Variants in DOCK7 observed in about 807,000 individuals in gnomAD.
The protein encoded by DOCK7 is dedicator of cytokinesis protein 7.
DOCK7 carries 138 observed loss-of-function variants against 271.0 expected under a neutral mutation model. The ratio of observed to expected loss-of-function variants is 0.51; its 90% CI spans 0.44 to 0.59. DOCK7 has a LOEUF of 0.59. Among genes scored for constraint, DOCK7 ranks in the 20% least tolerant of loss-of-function variants. The pLI is 0.00. For missense variants in DOCK7, 2,066 were observed against 2,592.4 expected (o/e 0.80, Z 4.41); for synonymous variants, 823 against 876.1 (o/e 0.94, Z 1.07).
At chr1:62,530,858 AAAG>A (rs1438422479) in intron 29 of DOCK7, 14 of 152,708 alleles carry the variant, frequency 9.2e-5, no homozygotes, top group African/African-American at 3.1e-4. Context: ...TGTGCCCCCA[AAAG>A]AAGGTCAAAT....
At chr1:62,634,949 T>A in intron 8 of DOCK7, 27 bp from the exon 9 acceptor site, 1 of 1,500,002 alleles carries the variant, frequency 6.7e-7, no homozygotes. Context: ...TGTTAAACTT[T>A]AAAATATGTA....
At chr1:62,545,480 A>T (rs1645673618) in intron 22 of DOCK7, among the ~76,000 whole-genome samples, 1 of 152,110 alleles carries the variant, frequency 6.6e-6, no homozygotes, top group Non-Finnish European at 1.5e-5. Flanking sequence ...ATCAACTGAA[A>T]ACTACTATGC....
At chr1:62,492,937 CT>C in intron 40 of DOCK7, 90 bp from the exon 41 acceptor site, 2 of 1,091,426 alleles carry the variant, frequency 1.8e-6, no homozygotes, top group Non-Finnish European at 2.6e-6. Context: ...TGAACTGTAA[CT>C]ATCAGGTTAG....
chr1:62,503,398 T>C (rs991245661), intron 37 of DOCK7, among the ~76,000 whole-genome samples: 3 of 151,964 alleles, frequency 2.0e-5, no homozygotes, highest in Non-Finnish European at 2.9e-5. Flanking sequence ...AGAATACACA[T>C]TGTACAATCA....
intron 48 of DOCK7, among the ~76,000 whole-genome samples, chr1:62,462,359 A>G (rs1645554967): frequency 6.6e-6 from 1 of 152,242 alleles, no homozygotes; most frequent in African/African-American, 2.4e-5. Context: ...AAACAAGGTG[A>G]GAGGAATTGC....
chr1:62,604,590 A>G lies in DOCK7; in HGVS notation c.1682+14116T>C, dbSNP rs369517192. On this transcript the variant is annotated intron_variant, in intron 14 of 49. Coordinates refer to ENST00000635253, the MANE Select transcript of DOCK7 (RefSeq NM_001367561.1). The stretch of plus-strand genomic sequence containing the variant: ...GGGGAAATACAGTAACAGTAACTAC[A>G]TACGAGTCTGTACCCATTAAATTGC... The G allele has an allele frequency of 2.9e-5, 45 of 1,572,714 alleles. No individual in the cohort carries two copies. The African/African-American group carries it at 5.5e-4, about 19-fold the overall frequency.
chr1:62,535,522 C>T lies in DOCK7; in HGVS notation c.3582G>A (p.Leu1194=), dbSNP rs148443279. The change falls in exon 29 of 50, where the codon CTG becomes CTA. Residue 1194 remains leucine, a synonymous_variant. Coordinates refer to ENST00000635253, the MANE Select transcript of DOCK7 (RefSeq NM_001367561.1). ...CAGCATCAGGGTCTAAAATGACAGC[C>T]AGCTCTGTTAACACAAGTCCTGCCA... ...HYLAGLVLTE[L]AVILDPDAEG... 10 of 1,613,840 alleles carry T rather than the reference C, an allele frequency of 6.2e-6. No individual in the cohort carries two copies. In the African/African-American group the frequency reaches 1.2e-4, roughly 19 times the overall value.
chr1:62,650,219 T>C (rs1657162608), intron 4 of DOCK7, among the ~76,000 whole-genome samples: 1 of 152,236 alleles, frequency 6.6e-6, no homozygotes, highest in African/African-American at 2.4e-5. Context: ...TGTGTTGGTT[T>C]ATTGTCTATT....
intron 22 of DOCK7, among the ~76,000 whole-genome samples, chr1:62,545,675 A>G (rs1265061294): frequency 6.6e-6 from 1 of 152,180 alleles, no homozygotes; most frequent in Non-Finnish European, 1.5e-5. Context: ...TATTATAAGG[A>G]AAAACATTAT....
chr1:62,488,527 T>C (rs1210384139), intron 42 of DOCK7: 1 of 183,696 alleles, frequency 5.4e-6, no homozygotes, highest in Non-Finnish European at 1.1e-5. Context: ...AAAATATTAG[T>C]AGTTTAATTA....
At chr1:62,610,389 TATGA>T (rs1223992578) in intron 14 of DOCK7, among the ~76,000 whole-genome samples, 2 of 152,102 alleles carry the variant, frequency 1.3e-5, no homozygotes, top group African/African-American at 4.8e-5. Context: ...TTCCTTAAAT[TATGA>T]ATGTAGTAAA....
chr1:62,485,756 A>G, intron 43 of DOCK7: 1 of 930,018 alleles, frequency 1.1e-6, no homozygotes, highest in Non-Finnish European at 1.3e-6. Flanking sequence ...ATTTCAAAAC[A>G]AATAAGCAGC....
At chr1:62,496,540 G>T (rs1571296588) in intron 37 of DOCK7, 43 bp from the exon 38 acceptor site, 1 of 1,517,374 alleles carries the variant, frequency 6.6e-7, no homozygotes, top group Non-Finnish European at 8.8e-7. Flanking sequence ...ATATAGAAAA[G>T]CTTTAAAAAG....
intron 2 of DOCK7, among the ~76,000 whole-genome samples, chr1:62,657,543 T>C (rs963669845): frequency 2.3e-4 from 35 of 152,304 alleles, no homozygotes; most frequent in African/African-American, 8.4e-4. Context: ...ATCTTAACTC[T>C]AATTAAAAAG....
rs749247556 is a variant in DOCK7 at position 62,455,530 on chromosome 1, G to GT, written c.6381-75dup. On this transcript the variant is annotated intron_variant, in intron 49 of 49. Transcript: ENST00000635253. ...CATATACCTTTAAATGTCTTACATG[G>GT]TTTTTTCTGCCAGTTACCTTAAAGT... 1.1e-5 allele frequency: 16 copies of GT among 1,410,028 alleles called. No homozygotes were observed. In the African/African-American group the frequency reaches 1.4e-4, roughly 13 times the overall value. 87.3% of individuals were successfully genotyped at this position (1,410,028 alleles called of 1,614,324 possible). A position where few individuals can be genotyped will look rare whatever the true frequency, so the allele number is the denominator to read the frequency against.
intron 15 of DOCK7, among the ~76,000 whole-genome samples, chr1:62,585,910 C>T (rs1293463867): frequency 6.6e-6 from 1 of 152,118 alleles, no homozygotes; most frequent in Non-Finnish European, 1.5e-5. Context: ...AATCCCCATA[C>T]ATTATGATTT....
Position 62,519,080 on chromosome 1 carries a change from T to C in DOCK7, c.3937-5182A>G, listed in dbSNP as rs1039464107. On this transcript the variant is annotated intron_variant, in intron 31 of 49. Coordinates refer to ENST00000635253, the MANE Select transcript of DOCK7 (RefSeq NM_001367561.1). ...ATTATAACTACTTTAAAAAGCATCA[T>C]AGTTCATGTAGATGAAAGTGCAATC... Among the ~76,000 whole-genome samples the C allele has an allele frequency of 5.3e-5, 8 of 151,362 alleles. No individual in the cohort carries two copies. In the East Asian group the frequency reaches 6.1e-4, roughly 11 times the overall value.
chr1:62,634,804 T>C lies in DOCK7; in HGVS notation c.1004A>G (p.Tyr335Cys). The stretch of plus-strand genomic sequence containing the variant: ...TACAAGAAAAACATCTTGGGAAGGA[T>C]AAGTGATAGAAAAAATTGCTGATCT... ...LARSAIFSIT[Y>C]PSQDVFLVIK... is the part of the protein sequence containing the mutation. Residue 335 changes from tyrosine (Y) to cysteine (C), a missense_variant, in exon 9 of 50, where the codon TAT becomes TGT. This residue lies in a region of DOCK7 where 1,414 missense variants were observed against 1,670.4 expected (regional missense o/e 0.85). Coordinates refer to ENST00000635253, the MANE Select transcript of DOCK7 (RefSeq NM_001367561.1). 6.2e-7 allele frequency: 1 copy of C among 1,613,076 alleles called. No homozygotes were observed. The highest frequency in any genetic ancestry group is 1.3e-5 in the African/African-American group (1 of 75,004).
chr1:62,650,748 C>A (rs966136202), intron 4 of DOCK7, among the ~76,000 whole-genome samples: 6 of 152,132 alleles, frequency 3.9e-5, no homozygotes, highest in African/African-American at 4.8e-5. Flanking sequence ...TAATGAGACA[C>A]CATCTCACAC....
Sources: allele counts gnomAD v4.1 joint callset (sites outside exome capture counted in the v4.1 genomes callset), GRCh38; gene constraint gnomAD v4.1.1; regional missense constraint gnomAD v4.1.1; transcripts MANE v1.5; gene names NCBI Gene and HGNC (gene_info 2026-07-23, HGNC 2026-07-21).